The following ZFC3H1 variants were observed in gnomAD, a reference collection of about 807,000 sequenced individuals.
The protein encoded by ZFC3H1 is zinc finger C3H1-type containing.
A neutral mutation model predicts 243.7 loss-of-function variants in ZFC3H1; 71 were observed. The observed-to-expected ratio is 0.29, with a 90% CI of 0.24 to 0.36. The LOEUF (loss-of-function observed/expected upper bound fraction) is 0.36, where lower values mean the gene tolerates loss of function less well. Ranked by LOEUF, ZFC3H1 falls within the 10% of genes least tolerant of loss-of-function variation. The pLI is 1.00. For synonymous variants in ZFC3H1, 838 were observed against 813.0 expected (o/e 1.03, Z -0.52); for missense variants, 1,966 against 2,317.1 (o/e 0.85, Z 3.11).
chr12:71,638,379 A>G, intron 7 of ZFC3H1, 39 bp downstream of exon 7: 1 of 1,578,508 alleles, frequency 6.3e-7, no homozygotes, highest in South Asian at 1.2e-5. Flanking sequence ...TAGAAAAGAC[A>G]AGACAAAATA....
chr12:71,612,350 T>C (rs748499980), intron 31 of ZFC3H1, among the ~76,000 whole-genome samples: 48 of 152,194 alleles, frequency 3.2e-4, no homozygotes, highest in Middle Eastern at 3.4e-3. Flanking sequence ...GAAATAAGTA[T>C]CAAAACACAG....
chr12:71,658,698 G>A (rs1341553505), intron 1 of ZFC3H1, among the ~76,000 whole-genome samples: 1 of 152,148 alleles, frequency 6.6e-6, no homozygotes, highest in African/African-American at 2.4e-5. Flanking sequence ...AAACTCTCCT[G>A]ATGACCAGTT....
intron 23 of ZFC3H1, among the ~76,000 whole-genome samples, chr12:71,623,857 T>C (rs1148987): frequency 0.96 from 146,491 of 152,260 alleles, 70,726 homozygotes; most frequent in Middle Eastern, 1. Flanking sequence ...AGTTTACCTG[T>C]GGATACTTAA....
At chr12:71,615,462 C>T (rs1451050714) in intron 27 of ZFC3H1, 146 bp from the exon 28 acceptor site, 2 of 619,218 alleles carry the variant, frequency 3.2e-6, no homozygotes, top group African/African-American at 1.9e-5. Context: ...ATAGGTATAC[C>T]ATACCTCTTT....
rs1879720404 is a variant in ZFC3H1 at position 71,609,698 on chromosome 12, A to G, written c.*730T>C. The G allele has an allele frequency of 6.6e-6, 1 of 152,578 alleles. No individual in the cohort carries two copies. The highest frequency in any genetic ancestry group is 2.1e-4 in the South Asian group (1 of 4,836). The allele number at this position is 152,578 out of a possible 1,614,324, so 9.5% of individuals were successfully genotyped here. On this transcript the variant is annotated 3_prime_UTR_variant, in exon 35 of 35. Transcript: ENST00000378743. ...GCAGTTCAAATATTAACTGTTCTTT[A>G]AACTGTTAAACTTTATTATAAATTA...
At position 71,663,449 on chromosome 12, in the gene ZFC3H1, C is replaced by T. The variant is rs969687395; in HGVS notation, c.162G>A (p.Arg54=). The change falls in exon 1 of 35, where the codon CGG becomes CGA. Residue 54 remains arginine, a synonymous_variant. Coordinates refer to ENST00000378743, the MANE Select transcript of ZFC3H1 (RefSeq NM_144982.5). ...SSGGGLLPYP[R]RRPPHSARGG... ...CCCGGGCCGAGTGAGGAGGCCTTCG[C>T]CGCGGATAGGGTAACAGCCCGCCGC... 6.2e-6 allele frequency: 10 copies of T among 1,612,048 alleles called. No homozygotes were observed. Among genetic ancestry groups the T allele is most frequent in the Non-Finnish European group, 8.5e-6 (10 of 1,180,052 alleles).
intron 2 of ZFC3H1, chr12:71,656,577 A>T: frequency 1.6e-6 from 1 of 637,830 alleles, no homozygotes; most frequent in Non-Finnish European, 2.7e-6. Context: ...CAAAAAAATT[A>T]ACATCATATT....
chr12:71,623,690 A>G (rs1176638921), intron 23 of ZFC3H1, 93 bp from the exon 24 acceptor site: 4 of 875,460 alleles, frequency 4.6e-6, no homozygotes, highest in South Asian at 3.7e-5. Context: ...ATGAAATAAT[A>G]AAAAGGTCAC....
At chr12:71,642,410 C>T in intron 6 of ZFC3H1, 26 bp downstream of exon 6, 2 of 1,601,738 alleles carry the variant, frequency 1.2e-6, no homozygotes, top group Non-Finnish European at 1.7e-6. Context: ...TGTAAATACA[C>T]AAAGGTTTCA....
chr12:71,646,883 CTAGTCAGACAAGCTCATTAAAT>C (rs1419732775), intron 3 of ZFC3H1, among the ~76,000 whole-genome samples: 2 of 152,238 alleles, frequency 1.3e-5, no homozygotes, highest in African/African-American at 4.8e-5. Context: ...TTAGTTCCCA[CTAGTCAGACAAGCTCATTAAAT>C]TACTTGCTCT....
At chr12:71,635,697 G>T in intron 9 of ZFC3H1, 117 bp from the exon 10 acceptor site, 1 of 988,340 alleles carries the variant, frequency 1.0e-6, no homozygotes, top group Non-Finnish European at 1.4e-6. Flanking sequence ...TCCTTCTAGG[G>T]TTGTATTACA....
chr12:71,628,936 T>C lies in ZFC3H1; in HGVS notation c.3928A>G (p.Thr1310Ala), dbSNP rs760981632. Residue 1310 changes from threonine to alanine, a missense_variant, in exon 20 of 35, where the codon ACA becomes GCA. Around this residue, in one of 4 missense-constraint regions of ZFC3H1, gnomAD observed 1,383 missense variants for 1,723.7 expected, o/e 0.80. Coordinates refer to ENST00000378743, the MANE Select transcript of ZFC3H1 (RefSeq NM_144982.5). ...TTCTTACCATACTTAATTGGTCCTG[T>C]AGACTGTTCCTCATCACTACTGAAG... ...NSFSSDEEQS[T>A]GPIKYAFQPE... The C allele has an allele frequency of 1.2e-6, 2 of 1,608,800 alleles. No homozygotes were observed. The highest frequency in any genetic ancestry group is 1.7e-6 in the Non-Finnish European group (2 of 1,178,646).
At chr12:71,611,155 C>T in intron 32 of ZFC3H1, 58 bp from the exon 33 acceptor site, 2 of 1,463,602 alleles carry the variant, frequency 1.4e-6, no homozygotes, top group Non-Finnish European at 1.8e-6. Flanking sequence ...ATTTATATAT[C>T]TTTGAACAAA....
At chr12:71,644,041 G>T in intron 5 of ZFC3H1, 54 bp downstream of exon 5, 1 of 1,432,854 alleles carries the variant, frequency 7.0e-7, no homozygotes, top group South Asian at 1.3e-5. Flanking sequence ...TATGAAATAT[G>T]ACTTTAAGGA....
chr12:71,630,563 A>T, intron 18 of ZFC3H1, 37 bp downstream of exon 18: 1 of 1,581,706 alleles, frequency 6.3e-7, no homozygotes, highest in Non-Finnish European at 8.5e-7. Context: ...CCTAAATTCA[A>T]TTTTCATTTG....
intron 5 of ZFC3H1, 71 bp from the exon 6 acceptor site, chr12:71,642,630 A>C (rs998285200): frequency 3.3e-6 from 5 of 1,509,584 alleles, no homozygotes; most frequent in Non-Finnish European, 3.6e-6. Context: ...AAGAACTGAT[A>C]GTTATCTTCT....
At chr12:71,656,841 G>A (rs1296552251) in intron 2 of ZFC3H1, 44 bp downstream of exon 2, 1 of 1,540,052 alleles carries the variant, frequency 6.5e-7, no homozygotes, top group African/African-American at 1.4e-5. Context: ...TACTACTTTA[G>A]AGGAAGAAGA....
Position 71,636,836 on chromosome 12 carries a change from G to C in ZFC3H1, c.1935+14C>G. ...CTCAAGAGCACCACCTAGAGGTTTA[G>C]GTACCTAAATTACCTCTGGCTTAAA... On this transcript the variant is annotated intron_variant, in intron 8 of 34. Coordinates refer to ENST00000378743, the MANE Select transcript of ZFC3H1 (RefSeq NM_144982.5). 1 of 1,613,272 alleles carries C rather than the reference G, an allele frequency of 6.2e-7. No homozygotes were observed. The highest frequency in any genetic ancestry group is 8.5e-7 in the Non-Finnish European group (1 of 1,179,586).
Position 71,642,447 on chromosome 12 carries a change from G to C in ZFC3H1, c.1616C>G (p.Thr539Ser), listed in dbSNP as rs779359482. ...GTTTTGGCTCATACCTGGAGAACTG[G>C]TTTCACTATCTGTATCCATAGCAAC... Reference protein sequence around the residue: ...EEVAMDTDSETSSPAPSPVQP... With the variant: ...EEVAMDTDSESSSPAPSPVQP... Residue 539 changes from threonine to serine, a missense_variant, in exon 6 of 35, where the codon ACC (threonine) becomes AGC (serine). By Grantham distance (58) the Thr-to-Ser change is moderately conservative. Transcript: ENST00000378743. The C allele has an allele frequency of 3.1e-6, 5 of 1,611,876 alleles. No individual in the cohort carries two copies. Among genetic ancestry groups the C allele is most frequent in the Non-Finnish European group, 4.2e-6 (5 of 1,179,110 alleles).
Sources: gnomAD v4.1 joint callset for allele counts (sites outside exome capture counted in the v4.1 genomes callset) on GRCh38, gnomAD v4.1.1 for gene constraint, gnomAD v4.1.1 regional missense constraint, MANE v1.5 for transcripts, NCBI Gene and HGNC (gene_info 2026-07-23, HGNC 2026-07-21) for gene names.